The following PLXNA4 variants were observed in gnomAD, a reference collection of about 807,000 sequenced individuals.
PLXNA4 encodes plexin-A4.
Under a neutral mutation model 191.8 loss-of-function variants are expected in PLXNA4, and 44 were observed. The observed-to-expected ratio is 0.23, with a 90% confidence interval of 0.18 to 0.29. The LOEUF is 0.29. Among genes scored for constraint, PLXNA4 ranks in the 10% least tolerant of loss-of-function variants. The probability of loss-of-function intolerance (pLI) is 1.00; values close to 1 mark genes in which losing one functional copy is unlikely to be tolerated. For missense variants in PLXNA4, 1,800 were observed against 2,488.8 expected (o/e 0.72, Z 5.89); for synonymous variants, 1,082 against 1,009.5 (o/e 1.07, Z -1.36).
At chr7:132,299,675 T>A (rs1337671032) in intron 3 of PLXNA4, among the ~76,000 whole-genome samples, 18 of 152,228 alleles carry the variant, frequency 1.2e-4, no homozygotes. Context: ...ACGGCTCATG[T>A]GTCCCTCCAG....
chr7:132,295,764 G>A (rs983669966), intron 4 of PLXNA4, among the ~76,000 whole-genome samples: 8 of 152,016 alleles, frequency 5.3e-5, no homozygotes, highest in Non-Finnish European at 1.2e-4. Context: ...CTCTAAGCAC[G>A]GCCAGTGTCT....
At chr7:132,377,939 T>C (rs1289249898) in intron 3 of PLXNA4, among the ~76,000 whole-genome samples, 4 of 152,030 alleles carry the variant, frequency 2.6e-5, no homozygotes, top group Non-Finnish European at 5.9e-5. Context: ...GCTGAAACTG[T>C]GGTATGGGAG....
chr7:132,240,287 C>T lies in PLXNA4; in HGVS notation c.1604+779G>A, dbSNP rs1223419880. Among the ~76,000 whole-genome samples the T allele has an allele frequency of 6.6e-5, 10 of 152,318 alleles. No individual in the cohort carries two copies. The East Asian group carries it at 1.5e-3, about 23-fold the overall frequency. On this transcript the variant is annotated intron_variant, in intron 5 of 31. Transcript: ENST00000321063. ...TCCAGGTATTGATGGCAAGGGTCTT[C>T]GGATCCCCAAAGAAAAGCCTTCAGC...
intron 3 of PLXNA4, among the ~76,000 whole-genome samples, chr7:132,309,489 T>C (rs147660579): frequency 1.3e-5 from 2 of 152,094 alleles, no homozygotes; most frequent in East Asian, 1.9e-4. Context: ...GGACAAGCCA[T>C]GTTCATCTCT....
At chr7:132,449,078 A>T (rs1402735090) in intron 3 of PLXNA4, among the ~76,000 whole-genome samples, 1 of 152,220 alleles carries the variant, frequency 6.6e-6, no homozygotes, top group Non-Finnish European at 1.5e-5. Context: ...AGACTTTTCA[A>T]ATCCCTTTTC....
intron 3 of PLXNA4, among the ~76,000 whole-genome samples, chr7:132,427,374 G>A (rs750195440): frequency 1.9e-4 from 29 of 152,232 alleles, no homozygotes; most frequent in African/African-American, 4.8e-4. Context: ...GGTCTACAGC[G>A]CCCCATCAGA....
At chr7:132,255,281 T>G (rs566658982) in intron 4 of PLXNA4, among the ~76,000 whole-genome samples, 1 of 152,300 alleles carries the variant, frequency 6.6e-6, no homozygotes, top group African/African-American at 2.4e-5. Context: ...TGAGAGCTGA[T>G]GCTTAGATCT....
chr7:132,150,528 AAGG>A (rs1295999221), intron 25 of PLXNA4, among the ~76,000 whole-genome samples: 2 of 152,228 alleles, frequency 1.3e-5, no homozygotes, highest in Admixed American at 6.5e-5. Flanking sequence ...CAACAAAAAA[AAGG>A]AGCCAGCATT....
intron 3 of PLXNA4, among the ~76,000 whole-genome samples, chr7:132,439,663 T>A (rs1795614201): frequency 6.6e-6 from 1 of 152,146 alleles, no homozygotes; most frequent in African/African-American, 2.4e-5. Flanking sequence ...ACCACTTGTT[T>A]AGGGGGCAAG....
At chr7:132,643,279 T>C (rs1803787583) in intron 2 of PLXNA4, among the ~76,000 whole-genome samples, 1 of 152,148 alleles carries the variant, frequency 6.6e-6, no homozygotes, top group Admixed American at 6.5e-5. Context: ...AGATGCTCTT[T>C]GAGAAAGATC....
At chr7:132,459,176 C>T (rs1408328981) in intron 3 of PLXNA4, among the ~76,000 whole-genome samples, 2 of 152,208 alleles carry the variant, frequency 1.3e-5, no homozygotes, top group Non-Finnish European at 2.9e-5. Flanking sequence ...GGGCTGCTGT[C>T]TGATCTAAGA....
intron 1 of PLXNA4, among the ~76,000 whole-genome samples, chr7:132,558,607 G>C (rs1335575063): frequency 6.6e-6 from 1 of 152,218 alleles, no homozygotes; most frequent in Non-Finnish European, 1.5e-5. Context: ...ATGAGCTACA[G>C]CAACTTCATG....
At chr7:132,540,041 T>C (rs1376114500) in intron 1 of PLXNA4, among the ~76,000 whole-genome samples, 1 of 152,232 alleles carries the variant, frequency 6.6e-6, no homozygotes, top group Non-Finnish European at 1.5e-5. Context: ...GGCTTTGTGG[T>C]TGACTGAGTG....
intron 2 of PLXNA4, among the ~76,000 whole-genome samples, chr7:132,497,760 T>C (rs1170723212): frequency 1.3e-5 from 2 of 152,146 alleles, no homozygotes; most frequent in Non-Finnish European, 2.9e-5. Context: ...AGTCCTATAA[T>C]AGGTGAAAGT....
chr7:132,431,169 G>A (rs142520480), intron 3 of PLXNA4, among the ~76,000 whole-genome samples: 362 of 152,278 alleles, frequency 2.4e-3, no homozygotes, highest in African/African-American at 8.3e-3. Flanking sequence ...GCTTACCCTC[G>A]TGCCCTGCAT....
chr7:132,576,324 T>C lies in PLXNA4; in HGVS notation c.-87+98A>G. 1.1e-6 allele frequency: 1 copy of C among 909,532 alleles called. No homozygotes were observed. The highest frequency in any genetic ancestry group is 1.3e-6 in the Non-Finnish European group (1 of 760,894). 56.3% of individuals were successfully genotyped at this position (909,532 alleles called of 1,614,324 possible). ...GCGTGTGCGTGTGCCGCGGGCTGGC[T>C]CCGGGACACTGAGGACTCCCGGGTC... On this transcript the variant is annotated intron_variant, in intron 1 of 31. Coordinates refer to ENST00000321063, the MANE Select transcript of PLXNA4 (RefSeq NM_020911.2). This position sits in a 1 kb window ranked among gnomAD's most constrained non-coding sequence, Gnocchi z 5.8.
At position 132,132,486 on chromosome 7, in the gene PLXNA4, TGCTCTA is replaced by T. The variant is rs1199218680; in HGVS notation, c.5589+557_5589+562del. Among the ~76,000 whole-genome samples, 390 of 87,524 alleles carry T rather than the reference TGCTCTA, an allele frequency of 4.5e-3. 16 individuals are homozygous for T. Among genetic ancestry groups the T allele is most frequent in the African/African-American group, 0.01 (264 of 25,406 alleles). The allele number at this position is 87,524 out of a possible 152,430, so 57.4% of individuals were successfully genotyped here. On this transcript the variant is annotated intron_variant, in intron 31 of 31. Coordinates refer to ENST00000321063, the MANE Select transcript of PLXNA4 (RefSeq NM_020911.2). ...TGTTCTGCTCTGCTCTGCTCTGCTC[TGCTCTA>T]TTCTTTTCTATTCTATTCTATTCTA...
At chr7:132,298,046 A>C in intron 4 of PLXNA4, 45 bp downstream of exon 4, 4 of 1,613,032 alleles carry the variant, frequency 2.5e-6, no homozygotes, top group Non-Finnish European at 3.4e-6. Flanking sequence ...ACAGGCTAGT[A>C]TTTAACTGCA....
chr7:132,538,272 A>G (rs1799930577), intron 1 of PLXNA4, among the ~76,000 whole-genome samples: 1 of 152,162 alleles, frequency 6.6e-6, no homozygotes, highest in Non-Finnish European at 1.5e-5. Context: ...GTGCTCCCGA[A>G]GCGGAGACAC....
Sources: gnomAD v4.1 joint callset for allele counts (sites outside exome capture counted in the v4.1 genomes callset) on GRCh38, gnomAD v4.1.1 for gene constraint, Gnocchi (gnomAD v3.1) non-coding constraint, MANE v1.5 for transcripts, NCBI Gene and HGNC (gene_info 2026-07-23, HGNC 2026-07-21) for gene names.